AQP7B: variants seen among roughly 807,000 people sequenced by gnomAD.
AQP7B encodes the protein aquaporin 7B.
At chr2:94,589,236 T>G in the AQP7B span, among the ~76,000 whole-genome samples, 1 of 151,080 alleles carries the variant, frequency 6.6e-6, no homozygotes, top group South Asian at 2.1e-4. Context: ...CTTGAACTCC[T>G]GACCTCAGGT....
At chr2:94,595,309 C>G in the AQP7B span, among the ~76,000 whole-genome samples, 1 of 152,100 alleles carries the variant, frequency 6.6e-6, no homozygotes, top group Non-Finnish European at 1.5e-5. Flanking sequence ...GTGGCGGACT[C>G]CTGTAATCTC....
the AQP7B span, chr2:94,603,298 C>G: frequency 8.9e-6 from 13 of 1,459,320 alleles, no homozygotes; most frequent in Middle Eastern, 1.8e-4. Context: ...GGAGCTCCCC[C>G]ACCCTCTAAC....
At chr2:94,598,220 A>T in the AQP7B span, among the ~76,000 whole-genome samples, 359 of 152,132 alleles carry the variant, frequency 2.4e-3, 1 homozygote, top group African/African-American at 8.0e-3. Context: ...GCTTTTTTTT[A>T]AAAATATATA....
the AQP7B span, chr2:94,603,457 T>C: frequency 6.2e-7 from 1 of 1,612,060 alleles, no homozygotes; most frequent in Non-Finnish European, 8.5e-7. Flanking sequence ...TTTTGCCACC[T>C]ACCTTCCTGA....
chr2:94,601,674 A>G, the AQP7B span, among the ~76,000 whole-genome samples: 1 of 152,118 alleles, frequency 6.6e-6, no homozygotes, highest in South Asian at 2.1e-4. Context: ...CCAGGAACCC[A>G]CAGCTGGAGA....
the AQP7B span, chr2:94,602,746 C>T: frequency 9.2e-6 from 9 of 981,744 alleles, no homozygotes; most frequent in Non-Finnish European, 1.3e-5. Context: ...AGGAGGAAGT[C>T]TCCTCTGAAC....
chr2:94,587,885 G>A, the AQP7B span, among the ~76,000 whole-genome samples: 2 of 152,080 alleles, frequency 1.3e-5, no homozygotes, highest in Non-Finnish European at 1.5e-5. Flanking sequence ...CTGGAGATAA[G>A]AGTCTGTGCT....
the AQP7B span, chr2:94,603,799 G>A: frequency 5.3e-4 from 807 of 1,521,800 alleles, 5 homozygotes; most frequent in Admixed American, 1.7e-4. Flanking sequence ...ACACGCGCTG[G>A]TGATAAGCAT....
the AQP7B span, chr2:94,603,392 T>G: frequency 1.2e-6 from 2 of 1,606,460 alleles, no homozygotes; most frequent in Non-Finnish European, 1.7e-6. Flanking sequence ...GCGGCCATTC[T>G]CCACTTTTCG....
chr2:94,593,193 G>A, the AQP7B span, among the ~76,000 whole-genome samples: 1 of 152,026 alleles, frequency 6.6e-6, no homozygotes, highest in Admixed American at 6.6e-5. Flanking sequence ...GGGGCATGTG[G>A]AAGAAGTGAA....
chr2:94,590,316 G>A, the AQP7B span, among the ~76,000 whole-genome samples: 3 of 152,108 alleles, frequency 2.0e-5, no homozygotes, highest in Non-Finnish European at 1.5e-5. Context: ...CACCCCAGCT[G>A]GGATTACAGG....
the AQP7B span, among the ~76,000 whole-genome samples, chr2:94,592,183 G>A: frequency 2.0e-5 from 3 of 152,100 alleles, no homozygotes; most frequent in African/African-American, 7.2e-5. Flanking sequence ...TCCAGCATGG[G>A]AGGTGGGGTT....
At chr2:94,603,355 G>T in the AQP7B span, 2 of 1,585,008 alleles carry the variant, frequency 1.3e-6, no homozygotes, top group Non-Finnish European at 8.6e-7. Context: ...TTGGGGGCAG[G>T]TTCGCATGAT....
At chr2:94,600,893 A>AG in the AQP7B span, among the ~76,000 whole-genome samples, 1 of 151,908 alleles carries the variant, frequency 6.6e-6, no homozygotes, top group Non-Finnish European at 1.5e-5. Flanking sequence ...AAAAAAAAAA[A>AG]AAATTGGCTG....
the AQP7B span, chr2:94,602,469 C>G: frequency 6.3e-7 from 1 of 1,596,606 alleles, no homozygotes; most frequent in Non-Finnish European, 8.5e-7. Flanking sequence ...GCAGGCAGCC[C>G]CCTTAGAGGC....
At chr2:94,602,593 C>A in the AQP7B span, 2 of 1,596,352 alleles carry the variant, frequency 1.3e-6, no homozygotes, top group Non-Finnish European at 1.7e-6. Context: ...CCATGGGAGT[C>A]CACGTGGCAG....
chr2:94,593,218 GGGT>G, the AQP7B span, among the ~76,000 whole-genome samples: 9 of 152,086 alleles, frequency 5.9e-5, no homozygotes, highest in African/African-American at 2.2e-4. Context: ...CTAGAGGAGA[GGGT>G]AGGAGGCTCT....
At chr2:94,591,612 G>A in the AQP7B span, among the ~76,000 whole-genome samples, 1 of 152,100 alleles carries the variant, frequency 6.6e-6, no homozygotes, top group South Asian at 2.1e-4. Flanking sequence ...ACTCCCTAAT[G>A]TGGGCCATGA....
the AQP7B span, among the ~76,000 whole-genome samples, chr2:94,597,546 T>C: frequency 6.6e-6 from 1 of 152,176 alleles, no homozygotes; most frequent in South Asian, 2.1e-4. Context: ...AGACTAAGCC[T>C]TTTGCCCAAG....
Sources: gnomAD v4.1 joint callset for allele counts (sites outside exome capture counted in the v4.1 genomes callset) on GRCh38, gnomAD v4.1.1 for gene constraint, MANE v1.5 for transcripts, NCBI Gene and HGNC (gene_info 2026-07-23, HGNC 2026-07-21) for gene names.